The following XRN1 variants were observed in gnomAD, a reference collection of about 807,000 sequenced individuals.
The protein encoded by XRN1 is strand-exchange protein 1 homolog.
A neutral mutation model predicts 222.3 loss-of-function variants in XRN1; 67 were observed. That is an observed-to-expected ratio of 0.30 (90% CI 0.25 to 0.37). The LOEUF is 0.37. Among genes scored for constraint, XRN1 ranks in the 10% least tolerant of loss-of-function variants. XRN1 has a pLI of 1.00. For missense variants in XRN1, 1,707 were observed against 2,000.2 expected (o/e 0.85, Z 2.80); for synonymous variants, 643 against 652.4 (o/e 0.99, Z 0.22).
At chr3:142,334,086 C>T (rs1337779473) in intron 34 of XRN1, among the ~76,000 whole-genome samples, 1 of 152,040 alleles carries the variant, frequency 6.6e-6, no homozygotes, top group Non-Finnish European at 1.5e-5. Flanking sequence ...TCTTTAAAAT[C>T]GTATGTATTT....
At chr3:142,322,908 C>T (rs1394031092) in intron 37 of XRN1, among the ~76,000 whole-genome samples, 2 of 152,206 alleles carry the variant, frequency 1.3e-5, no homozygotes, top group Non-Finnish European at 2.9e-5. Flanking sequence ...GAGGCTGAGG[C>T]AGGATAATCG....
chr3:142,432,227 A>AATTATATATAAAATTT (rs2069654137), intron 2 of XRN1, among the ~76,000 whole-genome samples: 1 of 96,826 alleles, frequency 1.0e-5, no homozygotes, highest in African/African-American at 4.8e-5. Flanking sequence ...ATATATAATT[A>AATTATATATAAAATTT]ATTATATATA....
At chr3:142,329,340 C>A (rs762844853) in intron 37 of XRN1, 94 bp downstream of exon 37, 2 of 845,598 alleles carry the variant, frequency 2.4e-6, no homozygotes, top group Non-Finnish European at 3.3e-6. Context: ...GAAAAATAGG[C>A]CCCATTTTAT....
rs1318789795 is a variant in XRN1 at position 142,332,328 on chromosome 3, T to G, written c.4222+47A>C. 3 of 1,352,992 alleles carry G rather than the reference T, an allele frequency of 2.2e-6. No individual in the cohort carries two copies. The South Asian group carries it at 4.4e-5, about 20-fold the overall frequency. 83.8% of individuals were successfully genotyped at this position (1,352,992 alleles called of 1,614,324 possible). On this transcript the variant is annotated intron_variant, in intron 36 of 40. Coordinates refer to ENST00000392981, the MANE Select transcript of XRN1 (RefSeq NM_001282857.2). ...CATGATTAAAAAGAACCAAATGAAT[T>G]GAATTTTTAAAATGATATTATTGGT...
At chr3:142,344,339 C>A (rs548484280) in intron 33 of XRN1, among the ~76,000 whole-genome samples, 26 of 151,728 alleles carry the variant, frequency 1.7e-4, no homozygotes, top group Non-Finnish European at 3.2e-4. Context: ...CTCATGTAAC[C>A]CATAAATATA....
chr3:142,384,576 C>A lies in XRN1; in HGVS notation c.2449G>T (p.Glu817Ter). 1 of 1,612,908 alleles carries A rather than the reference C, an allele frequency of 6.2e-7. No individual in the cohort carries two copies. Among genetic ancestry groups the A allele is most frequent in the South Asian group, 1.1e-5 (1 of 90,934 alleles). The change falls in exon 21 of 41, where the codon GAG (glutamate) becomes TAG (stop). Residue 817 changes from glutamate (E) to a stop codon, truncating the protein, a stop_gained. Transcript: ENST00000392981. LOFTEE classifies it high-confidence loss of function. ...ACAACTTGTTTTGACCACTGTTTCT[C>A]TAGACGAACTTCACCATTTTGATTT... ...QINQNGEVRL[E>*]KQWSKQVVPF...
intron 39 of XRN1, among the ~76,000 whole-genome samples, chr3:142,313,664 T>C (rs2107847259): frequency 6.6e-6 from 1 of 152,336 alleles, no homozygotes; most frequent in Non-Finnish European, 1.5e-5. Context: ...AATCATAATA[T>C]ATTTCAGTGT....
At chr3:142,313,870 G>A (rs963791350) in intron 39 of XRN1, among the ~76,000 whole-genome samples, 3 of 152,144 alleles carry the variant, frequency 2.0e-5, no homozygotes, top group Admixed American at 6.5e-5. Flanking sequence ...AGCCTGGGAG[G>A]TGGAGGTTGC....
rs562346068 is a variant in XRN1, at chr3:142,318,092, A to G, written c.4621+500T>C. On this transcript the variant is annotated intron_variant, in intron 39 of 40. Transcript: ENST00000392981. Reference sequence around the variant, plus strand: ...AATTCCTGGAGTATTACCTGGCAGTAGATGCAGAAAAGGGATTTTCTAAAC... The same window carrying G: ...AATTCCTGGAGTATTACCTGGCAGTGGATGCAGAAAAGGGATTTTCTAAAC... 2.6e-5 allele frequency among the ~76,000 whole-genome samples: 4 copies of G among 152,314 alleles called. No individual in the cohort carries two copies. In the South Asian group the frequency reaches 8.3e-4, roughly 32 times the overall value.
At chr3:142,338,005 G>A (rs1232016573) in intron 33 of XRN1, among the ~76,000 whole-genome samples, 1 of 152,200 alleles carries the variant, frequency 6.6e-6, no homozygotes, top group African/African-American at 2.4e-5. Flanking sequence ...CCCATGGACT[G>A]AAGTGCTTTG....
chr3:142,356,078 C>T (rs2066459096), intron 31 of XRN1, among the ~76,000 whole-genome samples: 1 of 152,078 alleles, frequency 6.6e-6, no homozygotes, highest in Admixed American at 6.5e-5. Flanking sequence ...ATAACAAACA[C>T]TATAAAAGAT....
rs142157868 is a variant in XRN1, at chr3:142,396,368, T to C, written c.2339+961A>G. On this transcript the variant is annotated intron_variant, in intron 20 of 40. Coordinates refer to ENST00000392981, the MANE Select transcript of XRN1 (RefSeq NM_001282857.2). ...GGAATAAAGAAGTAACAAAAACAGATATGCTCTCTACTCTTATGGTGCATA... is the reference window on the plus strand; with the variant it reads ...GGAATAAAGAAGTAACAAAAACAGACATGCTCTCTACTCTTATGGTGCATA... Among the ~76,000 whole-genome samples the C allele has an allele frequency of 2.3e-4, 35 of 152,348 alleles. No individual in the cohort carries two copies. In the East Asian group the frequency reaches 5.2e-3, roughly 23 times the overall value.
At chr3:142,429,144 C>CTTTT (rs199947503) in intron 2 of XRN1, among the ~76,000 whole-genome samples, 16 of 120,104 alleles carry the variant, frequency 1.3e-4, no homozygotes, top group East Asian at 4.8e-4. Context: ...TAGCCATAAT[C>CTTTT]TTTTTTTTTT....
intron 15 of XRN1, 52 bp downstream of exon 15, chr3:142,412,492 T>A: frequency 6.8e-7 from 1 of 1,478,506 alleles, no homozygotes; most frequent in Non-Finnish European, 9.1e-7. Context: ...CTATGTGAAA[T>A]AGTCTCTGAT....
At chr3:142,371,147 A>AT in intron 26 of XRN1, 92 bp downstream of exon 26, 3 of 984,814 alleles carry the variant, frequency 3.0e-6, no homozygotes, top group Non-Finnish European at 4.5e-6. Context: ...AAAAAAAAAA[A>AT]GTAATATGAA....
At chr3:142,403,611 C>T (rs948068901) in intron 18 of XRN1, 63 bp downstream of exon 18, 58 of 1,475,460 alleles carry the variant, frequency 3.9e-5, no homozygotes, top group Non-Finnish European at 5.5e-5. Flanking sequence ...GGTAAACATC[C>T]CAGCAGCTAC....
At chr3:142,438,588 A>C (rs770594335) in intron 1 of XRN1, among the ~76,000 whole-genome samples, 3 of 152,108 alleles carry the variant, frequency 2.0e-5, no homozygotes, top group Admixed American at 1.3e-4. Flanking sequence ...TCTCCCCCAC[A>C]AGGCAAAAAC....
At chr3:142,352,230 G>T (rs1407318777) in intron 32 of XRN1, among the ~76,000 whole-genome samples, 1 of 152,022 alleles carries the variant, frequency 6.6e-6, no homozygotes, top group African/African-American at 2.4e-5. Flanking sequence ...ATCTGTTTTG[G>T]CCCCAAGGCA....
intron 22 of XRN1, among the ~76,000 whole-genome samples, chr3:142,382,290 TA>T (rs1490071314): frequency 6.6e-6 from 1 of 152,164 alleles, no homozygotes; most frequent in African/African-American, 2.4e-5. Context: ...ATCTTTATCA[TA>T]ATGGTTGCAC....
Sources: gnomAD v4.1 joint callset for allele counts (sites outside exome capture counted in the v4.1 genomes callset) on GRCh38, gnomAD v4.1.1 for gene constraint, MANE v1.5 for transcripts, NCBI Gene and HGNC (gene_info 2026-07-23, HGNC 2026-07-21) for gene names.